Variants in MBOAT2 observed in about 807,000 individuals in gnomAD.
MBOAT2 encodes membrane bound glycerophospholipid O-acyltransferase 2.
MBOAT2 carries 28 observed loss-of-function variants against 63.4 expected under a neutral mutation model. The observed-to-expected ratio is 0.44, with a 90% CI of 0.33 to 0.61. The LOEUF (loss-of-function observed/expected upper bound fraction) is 0.61, where lower values mean the gene tolerates loss of function less well. MBOAT2 is among the 20% of genes least tolerant of loss of function. The pLI is 0.03. For synonymous variants in MBOAT2, 211 were observed against 215.6 expected (o/e 0.98, Z 0.19); for missense variants, 470 against 605.8 (o/e 0.78, Z 2.35).
chr2:8,912,108 C>T (rs183958922), intron 3 of MBOAT2, among the ~76,000 whole-genome samples: 1 of 151,734 alleles, frequency 6.6e-6, no homozygotes, highest in Admixed American at 6.6e-5. Flanking sequence ...ATAAAAGCCA[C>T]CTATGACAAA....
chr2:8,991,489 T>C (rs556782568), intron 1 of MBOAT2, among the ~76,000 whole-genome samples: 96 of 152,360 alleles, frequency 6.3e-4, no homozygotes, highest in African/African-American at 2.2e-3. Flanking sequence ...TTCAGCCAAT[T>C]TAAGGATGAA....
intron 1 of MBOAT2, among the ~76,000 whole-genome samples, chr2:8,969,787 T>C (rs1369750714): frequency 6.6e-6 from 1 of 152,120 alleles, no homozygotes; most frequent in Non-Finnish European, 1.5e-5. Context: ...CATTATATAA[T>C]GGTAAAGGGA....
chr2:8,881,325 G>C (rs1416835973), intron 6 of MBOAT2, among the ~76,000 whole-genome samples: 1 of 152,166 alleles, frequency 6.6e-6, no homozygotes, highest in East Asian at 1.9e-4. Flanking sequence ...ATGGGGGACG[G>C]TGTGTTAGAA....
chr2:8,988,547 A>C (rs891741062), intron 1 of MBOAT2, among the ~76,000 whole-genome samples: 2 of 152,208 alleles, frequency 1.3e-5, no homozygotes, highest in African/African-American at 4.8e-5. Context: ...ATTATATGAC[A>C]ACTTTTGAAA....
chr2:8,998,593 C>A (rs1158892035), intron 1 of MBOAT2, among the ~76,000 whole-genome samples: 3 of 150,812 alleles, frequency 2.0e-5, no homozygotes, highest in Non-Finnish European at 4.4e-5. Context: ...GTTATCTGCA[C>A]GGTGCAGGGG....
At chr2:8,981,957 A>C (rs1165895012) in intron 1 of MBOAT2, among the ~76,000 whole-genome samples, 1 of 152,178 alleles carries the variant, frequency 6.6e-6, no homozygotes, top group East Asian at 1.9e-4. Flanking sequence ...TGGTTAATGA[A>C]GACAGACAGA....
chr2:8,860,553 G>C (rs1031656043), intron 12 of MBOAT2, 60 bp downstream of exon 12: 1 of 1,543,072 alleles, frequency 6.5e-7, no homozygotes, highest in Non-Finnish European at 8.9e-7. Context: ...CCAATAGCAA[G>C]AAACTTTCTT....
At chr2:8,912,658 G>A (rs569597963) in intron 3 of MBOAT2, among the ~76,000 whole-genome samples, 10 of 152,190 alleles carry the variant, frequency 6.6e-5, no homozygotes, top group African/African-American at 2.4e-4. Context: ...ACCGCTACAA[G>A]GAAAACTACA....
chr2:8,963,787 C>A (rs1025347567), intron 1 of MBOAT2, among the ~76,000 whole-genome samples: 8 of 152,112 alleles, frequency 5.3e-5, no homozygotes, highest in Non-Finnish European at 2.9e-5. Context: ...TAATTATGAG[C>A]CTACTATGCT....
Position 8,963,787 on chromosome 2 carries a change from CCTA to C in MBOAT2, c.76-5148_76-5146del, listed in dbSNP as rs139885860. On this transcript the variant is annotated intron_variant, in intron 1 of 12. Coordinates refer to ENST00000305997, the MANE Select transcript of MBOAT2 (RefSeq NM_138799.4). Reference sequence around the variant, plus strand: ...TATGCATTTATTCTGTAATTATGAGCCTACTATGCTTTTACTATGTGCTAGACA... The same window carrying C: ...TATGCATTTATTCTGTAATTATGAGCCTATGCTTTTACTATGTGCTAGACA... Among the ~76,000 whole-genome samples, 890 of 152,226 alleles carry C rather than the reference CCTA, an allele frequency of 5.8e-3. 11 individuals are homozygous for C. Among genetic ancestry groups the C allele is most frequent in the African/African-American group, 0.021 (857 of 41,522 alleles).
At chr2:8,986,792 A>G (rs1029438676) in intron 1 of MBOAT2, among the ~76,000 whole-genome samples, 2 of 152,090 alleles carry the variant, frequency 1.3e-5, no homozygotes, top group Non-Finnish European at 2.9e-5. Flanking sequence ...AGAGACACAG[A>G]GGGCTTGCTC....
chr2:8,940,258 T>C (rs1667957576), intron 3 of MBOAT2, among the ~76,000 whole-genome samples: 2 of 152,092 alleles, frequency 1.3e-5, no homozygotes, highest in African/African-American at 4.8e-5. Flanking sequence ...AGAAAGTCAA[T>C]GCTGCAATGA....
At chr2:8,858,973 C>T (rs1661306739) in intron 12 of MBOAT2, 69 bp from the exon 13 acceptor site, 2 of 1,088,848 alleles carry the variant, frequency 1.8e-6, no homozygotes, top group Non-Finnish European at 2.7e-6. Flanking sequence ...GCACACTTGT[C>T]AAAATGTCAC....
At chr2:8,864,901 T>C (rs1661760340) in intron 9 of MBOAT2, among the ~76,000 whole-genome samples, 1 of 152,232 alleles carries the variant, frequency 6.6e-6, no homozygotes, top group South Asian at 2.1e-4. Flanking sequence ...TTAGATTTTG[T>C]GTTCCCTTAT....
At chr2:8,869,208 A>ATTTT (rs750568440) in intron 8 of MBOAT2, among the ~76,000 whole-genome samples, 4 of 124,966 alleles carry the variant, frequency 3.2e-5, no homozygotes, top group Non-Finnish European at 3.4e-5. Context: ...CATCATGCCT[A>ATTTT]TTTTTTTTTT....
chr2:8,990,929 T>C (rs1558690873), intron 1 of MBOAT2, among the ~76,000 whole-genome samples: 1 of 152,190 alleles, frequency 6.6e-6, no homozygotes. Flanking sequence ...AAGGACCCCT[T>C]AACTATCTCC....
rs1408932163 is a variant in MBOAT2 at position 8,857,692 on chromosome 2, C to T, written c.*987G>A. 6.6e-6 allele frequency: 1 copy of T among 152,174 alleles called. No individual in the cohort carries two copies. The highest frequency in any genetic ancestry group is 2.4e-5 in the African/African-American group (1 of 41,438). The allele number at this position is 152,174 out of a possible 1,614,324, so 9.4% of individuals were successfully genotyped here. A position where few individuals can be genotyped will look rare whatever the true frequency, so the allele number is the denominator to read the frequency against. On this transcript the variant is annotated 3_prime_UTR_variant, in exon 13 of 13. Transcript: ENST00000305997. ...TCTTTCAAAACCTTTGAGCAACCTA[C>T]CAGTATTATTTTCAAAGCCTCTAAT...
At chr2:8,929,282 G>T (rs1456338643) in intron 3 of MBOAT2, among the ~76,000 whole-genome samples, 1 of 152,162 alleles carries the variant, frequency 6.6e-6, no homozygotes, top group East Asian at 1.9e-4. Context: ...TGCATTGGGG[G>T]TAAGAAATAC....
At chr2:8,915,291 C>T (rs1666088396) in intron 3 of MBOAT2, among the ~76,000 whole-genome samples, 2 of 152,042 alleles carry the variant, frequency 1.3e-5, no homozygotes, top group African/African-American at 4.8e-5. Flanking sequence ...TCACAAAGTA[C>T]TAAATAGTTT....
Sources: allele counts gnomAD v4.1 joint callset (sites outside exome capture counted in the v4.1 genomes callset), GRCh38; gene constraint gnomAD v4.1.1; transcripts MANE v1.5; gene names NCBI Gene and HGNC (gene_info 2026-07-23, HGNC 2026-07-21).